The following FOXP2 variants were observed in gnomAD, a reference collection of about 807,000 sequenced individuals.
FOXP2 encodes forkhead box protein P2.
In FOXP2, 12 loss-of-function variants were observed where a neutral mutation model predicts 115.8. The ratio of observed to expected loss-of-function variants is 0.10; its 90% confidence interval spans 0.07 to 0.17. The LOEUF (loss-of-function observed/expected upper bound fraction) is 0.17, where lower values mean the gene tolerates loss of function less well. Ranked by LOEUF, FOXP2 falls within the 10% of genes least tolerant of loss-of-function variation. The pLI is 1.00. For synonymous variants in FOXP2, 328 were observed against 297.7 expected (o/e 1.10, Z -1.05); for missense variants, 629 against 843.5 (o/e 0.75, Z 3.15).
chr7:114,238,938 A>G (rs1488417313), intron 1 of FOXP2, among the ~76,000 whole-genome samples: 2 of 148,964 alleles, frequency 1.3e-5, no homozygotes, highest in Non-Finnish European at 3.0e-5. Flanking sequence ...TATATATAAT[A>G]CAAACATTTA....
chr7:114,234,409 A>C (rs1313651778), intron 1 of FOXP2, among the ~76,000 whole-genome samples: 2 of 152,202 alleles, frequency 1.3e-5, no homozygotes, highest in African/African-American at 4.8e-5. Context: ...TTTAACTAGG[A>C]AAAAATAATT....
At chr7:114,491,625 T>C (rs1797059620) in intron 2 of FOXP2, among the ~76,000 whole-genome samples, 1 of 152,134 alleles carries the variant, frequency 6.6e-6, no homozygotes, top group Non-Finnish European at 1.5e-5. Flanking sequence ...TCTTCTAGGG[T>C]TTTTATGGTT....
chr7:114,358,791 A>T (rs1791675505), intron 2 of FOXP2, among the ~76,000 whole-genome samples: 1 of 152,166 alleles, frequency 6.6e-6, no homozygotes, highest in Admixed American at 6.6e-5. Context: ...AGGTGACTGG[A>T]GGTTCTTAAC....
At chr7:114,490,520 T>TA (rs1236590325) in intron 2 of FOXP2, among the ~76,000 whole-genome samples, 6 of 152,082 alleles carry the variant, frequency 3.9e-5, no homozygotes, top group African/African-American at 1.4e-4. Flanking sequence ...CTTTTTTTTT[T>TA]ATACTTTAAG....
chr7:114,117,144 C>T (rs952142041), intron 1 of FOXP2, among the ~76,000 whole-genome samples: 7 of 151,660 alleles, frequency 4.6e-5, no homozygotes, highest in African/African-American at 1.7e-4. Context: ...CAGATTATGC[C>T]ACATTCTTTT....
chr7:114,313,136 T>C (rs544465274), intron 2 of FOXP2, among the ~76,000 whole-genome samples: 24 of 152,242 alleles, frequency 1.6e-4, no homozygotes, highest in Non-Finnish European at 2.9e-4. Context: ...CTAGACTCAC[T>C]ACATGCATCA....
intron 1 of FOXP2, among the ~76,000 whole-genome samples, chr7:114,187,869 A>C (rs963484646): frequency 6.6e-6 from 1 of 152,184 alleles, no homozygotes; most frequent in Non-Finnish European, 1.5e-5. Context: ...TTCTTGCAGC[A>C]TCATCACATG....
At chr7:114,167,329 A>G (rs982111706) in intron 1 of FOXP2, among the ~76,000 whole-genome samples, 2 of 152,222 alleles carry the variant, frequency 1.3e-5, no homozygotes, top group Non-Finnish European at 2.9e-5. Flanking sequence ...TTGAAGCTAT[A>G]TGAAGTGGCT....
chr7:114,265,049 G>T lies in FOXP2; in HGVS notation c.-101-22970G>T, dbSNP rs114874546. Among the ~76,000 whole-genome samples, 192 of 152,154 alleles carry T rather than the reference G, an allele frequency of 1.3e-3. 2 individuals carry two copies. The highest frequency in any genetic ancestry group is 4.3e-3 in the African/African-American group (180 of 41,526). On this transcript the variant is annotated intron_variant, in intron 1 of 17. Transcript: ENST00000634411. ...CAGGGCATCCAACCTGTATGATTTT[G>T]CCCCGGCCCCTCCCAAATCTCATGT...
rs145639338 is a variant in FOXP2 at position 114,484,771 on chromosome 7, G to A, written c.169-49846G>A. 1.6e-3 allele frequency among the ~76,000 whole-genome samples: 242 copies of A among 151,916 alleles called. 2 individuals are homozygous for A. Among genetic ancestry groups the A allele is most frequent in the African/African-American group, 5.2e-3 (216 of 41,520 alleles). The stretch of plus-strand genomic sequence containing the variant: ...AATATTTTGTGCCTTTAAAATGTAC[G>A]TTTTAGATATCACAAGTTGCATTAA... On this transcript the variant is annotated intron_variant, in intron 2 of 16. Transcript: ENST00000350908.
chr7:114,337,571 C>T (rs1385697590), intron 2 of FOXP2, among the ~76,000 whole-genome samples: 1 of 150,942 alleles, frequency 6.6e-6, no homozygotes, highest in Admixed American at 6.6e-5. Context: ...AATATAACCT[C>T]ACATACAGTA....
chr7:114,642,810 ATATTT>A (rs1805637813), intron 7 of FOXP2, among the ~76,000 whole-genome samples, 187 bp downstream of exon 7: 1 of 75,768 alleles, frequency 1.3e-5, no homozygotes, highest in African/African-American at 6.0e-5. Context: ...ATATATATAT[ATATTT>A]TTTTTTTTTT....
chr7:114,177,775 A>G (rs1793354870), intron 1 of FOXP2, among the ~76,000 whole-genome samples: 1 of 152,094 alleles, frequency 6.6e-6, no homozygotes, highest in African/African-American at 2.4e-5. Flanking sequence ...TATTTAACCT[A>G]TGCATTACCA....
At chr7:114,117,253 A>G (rs1791434849) in intron 1 of FOXP2, among the ~76,000 whole-genome samples, 1 of 149,024 alleles carries the variant, frequency 6.7e-6, no homozygotes, top group African/African-American at 2.5e-5. Flanking sequence ...ACAGAGTCTC[A>G]CTCTGTTGTC....
chr7:114,547,553 C>A (rs1562990775), intron 3 of FOXP2, among the ~76,000 whole-genome samples: 1 of 152,112 alleles, frequency 6.6e-6, no homozygotes, highest in Non-Finnish European at 1.5e-5. Flanking sequence ...GTCAGGAGAT[C>A]AAGACCATCC....
intron 2 of FOXP2, among the ~76,000 whole-genome samples, chr7:114,402,273 A>G (rs1792904680): frequency 6.6e-6 from 1 of 152,208 alleles, no homozygotes; most frequent in African/African-American, 2.4e-5. Flanking sequence ...ACATTAATAC[A>G]TGTATTCCAA....
chr7:114,377,652 G>C (rs1792174689), intron 2 of FOXP2, among the ~76,000 whole-genome samples: 1 of 152,178 alleles, frequency 6.6e-6, no homozygotes, highest in African/African-American at 2.4e-5. Flanking sequence ...CAGGTTTCTG[G>C]CGAAGGATGG....
intron 1 of FOXP2, among the ~76,000 whole-genome samples, chr7:114,106,489 T>A (rs2129141489): frequency 6.6e-6 from 1 of 152,086 alleles, no homozygotes; most frequent in African/African-American, 2.4e-5. Context: ...TCTGACCCTA[T>A]TAATTTTGAG....
At chr7:114,466,397 A>T (rs1795800190) in intron 2 of FOXP2, among the ~76,000 whole-genome samples, 1 of 152,186 alleles carries the variant, frequency 6.6e-6, no homozygotes, top group South Asian at 2.1e-4. Flanking sequence ...CTTTGTTCAG[A>T]TGTCTAAGTA....
Sources: allele counts gnomAD v4.1 joint callset (sites outside exome capture counted in the v4.1 genomes callset), GRCh38; gene constraint gnomAD v4.1.1; transcripts MANE v1.5; gene names NCBI Gene and HGNC (gene_info 2026-07-23, HGNC 2026-07-21).